The following GDPD5 variants were observed in gnomAD, a reference collection of about 807,000 sequenced individuals.
GDPD5 encodes the protein glycerophosphodiester phosphodiesterase 2.
GDPD5 carries 48 observed loss-of-function variants against 75.1 expected under a neutral mutation model. The ratio of observed to expected loss-of-function variants is 0.64; its 90% confidence interval spans 0.51 to 0.81. GDPD5 has a LOEUF of 0.81. Ranked by LOEUF, GDPD5 falls within the 40% of genes least tolerant of loss-of-function variation. GDPD5 has a pLI of 0.00. For missense variants in GDPD5, 706 were observed against 822.6 expected, an observed-to-expected ratio of 0.86 and a Z score of 1.73; for synonymous variants, 336 against 339.0, an observed-to-expected ratio of 0.99 and a Z score of 0.10.
At chr11:75,454,386 A>G (rs776504907) in intron 6 of GDPD5, among the ~76,000 whole-genome samples, 1 of 152,250 alleles carries the variant, frequency 6.6e-6, no homozygotes, top group Non-Finnish European at 1.5e-5. Context: ...TTTTTATAGA[A>G]CAACTATCCA....
intron 2 of GDPD5, among the ~76,000 whole-genome samples, chr11:75,487,150 T>G (rs1355174566): frequency 1.3e-5 from 2 of 152,234 alleles, no homozygotes; most frequent in Non-Finnish European, 2.9e-5. Context: ...CCCAGCCTCC[T>G]GCAGGTAGCT....
rs1458752441 is a variant in GDPD5, at chr11:75,490,264, C to G, written c.-88G>C. 1 of 152,296 alleles carries G rather than the reference C, an allele frequency of 6.6e-6. No homozygotes were observed. The highest frequency in any genetic ancestry group is 2.4e-5 in the African/African-American group (1 of 41,436). The allele number at this position is 152,296 out of a possible 1,614,324, so 9.4% of individuals were successfully genotyped here. On this transcript the variant is annotated 5_prime_UTR_variant, in exon 2 of 17. Transcript: ENST00000336898. ...GGAAGAAGGTACCGGTGGCTGTGAGCTGGGCTCCTGGAGGTGTCTTGTCCA... is the reference window on the plus strand; with the variant it reads ...GGAAGAAGGTACCGGTGGCTGTGAGGTGGGCTCCTGGAGGTGTCTTGTCCA...
chr11:75,441,398 G>A (rs1948797739), intron 13 of GDPD5, 88 bp from the exon 14 acceptor site: 15 of 1,513,650 alleles, frequency 9.9e-6, no homozygotes, highest in Middle Eastern at 1.7e-4. Flanking sequence ...TCCTGTTCAC[G>A]ACCTCACAGC....
At chr11:75,446,023 C>T (rs1948978345) in intron 9 of GDPD5, among the ~76,000 whole-genome samples, 1 of 152,178 alleles carries the variant, frequency 6.6e-6, no homozygotes, top group Non-Finnish European at 1.5e-5. Context: ...GAGGCACTCC[C>T]AGGGGAAGCA....
chr11:75,448,051 G>C (rs1363290555), intron 9 of GDPD5, among the ~76,000 whole-genome samples: 3 of 152,148 alleles, frequency 2.0e-5, no homozygotes, highest in African/African-American at 7.2e-5. Context: ...GGCAGACCCA[G>C]CACCTCCTTC....
intron 2 of GDPD5, among the ~76,000 whole-genome samples, chr11:75,480,584 C>T (rs1790155): frequency 0.56 from 85,490 of 151,940 alleles, 25,689 homozygotes; most frequent in East Asian, 0.79. Flanking sequence ...ATGTTACATC[C>T]CCAAAGTATC....
chr11:75,468,134 C>T (rs1388816808), intron 3 of GDPD5, among the ~76,000 whole-genome samples: 8 of 152,228 alleles, frequency 5.3e-5, no homozygotes. Flanking sequence ...CCACTGTAGA[C>T]TGCAGCCCCA....
chr11:75,440,561 ATTCT>A (rs974635199), intron 14 of GDPD5, among the ~76,000 whole-genome samples: 2 of 151,952 alleles, frequency 1.3e-5, no homozygotes, highest in Non-Finnish European at 2.9e-5. Context: ...ATTGTTTCCT[ATTCT>A]TTTTTATTTT....
intron 6 of GDPD5, among the ~76,000 whole-genome samples, chr11:75,455,049 G>A (rs530231745): frequency 2.0e-5 from 3 of 152,264 alleles, no homozygotes; most frequent in East Asian, 1.9e-4. Context: ...CTCATGCTGC[G>A]ATCTCACATA....
At chr11:75,460,040 A>G (rs1949378563) in intron 4 of GDPD5, among the ~76,000 whole-genome samples, 1 of 150,526 alleles carries the variant, frequency 6.6e-6, no homozygotes, top group African/African-American at 2.5e-5. Context: ...GGGAAAATCT[A>G]CTGCCTGGCA....
At chr11:75,449,169 T>C (rs1318299530) in intron 8 of GDPD5, 47 bp from the exon 9 acceptor site, 14 of 1,533,588 alleles carry the variant, frequency 9.1e-6, no homozygotes, top group South Asian at 1.2e-5. Context: ...CCTGGGCAGG[T>C]TGGGGTGCAA....
chr11:75,512,775 C>T (rs112661667), intron 1 of GDPD5, among the ~76,000 whole-genome samples: 2,005 of 151,654 alleles, frequency 0.013, 21 homozygotes, highest in Middle Eastern at 0.051. Flanking sequence ...ATTAGCTGGG[C>T]GTGGTGGCGG....
intron 15 of GDPD5, chr11:75,437,551 G>C (rs1948658901): frequency 1.3e-5 from 2 of 159,518 alleles, no homozygotes; most frequent in East Asian, 3.7e-4. Flanking sequence ...AGGTGGTAGG[G>C]GGCTTTGCCC....
intron 1 of GDPD5, among the ~76,000 whole-genome samples, chr11:75,494,927 G>A (rs995478658): frequency 1.3e-5 from 2 of 151,600 alleles, no homozygotes; most frequent in Non-Finnish European, 2.9e-5. Flanking sequence ...ACTCCAGCCT[G>A]GGCAACAGAG....
chr11:75,488,679 A>G (rs916364315), intron 2 of GDPD5, among the ~76,000 whole-genome samples: 3 of 152,138 alleles, frequency 2.0e-5, no homozygotes, highest in Non-Finnish European at 4.4e-5. Context: ...CCATCTTAAC[A>G]AACAGACCCT....
intron 2 of GDPD5, among the ~76,000 whole-genome samples, chr11:75,483,924 C>A (rs776583304): frequency 7.9e-5 from 12 of 152,198 alleles, no homozygotes; most frequent in African/African-American, 2.9e-4. Flanking sequence ...TGGTGGCTCA[C>A]ACCTGTAATC....
At chr11:75,479,836 C>T (rs1338169586) in intron 2 of GDPD5, among the ~76,000 whole-genome samples, 1 of 152,136 alleles carries the variant, frequency 6.6e-6, no homozygotes, top group Admixed American at 6.5e-5. Context: ...GCTTCTTTCA[C>T]GTGGCATAAT....
At chr11:75,444,948 G>A (rs1256422446) in intron 9 of GDPD5, among the ~76,000 whole-genome samples, 2 of 152,086 alleles carry the variant, frequency 1.3e-5, no homozygotes, top group African/African-American at 4.8e-5. Context: ...TATACCCTGA[G>A]ACAAGTCCAG....
chr11:75,463,917 G>A (rs1210251558), intron 3 of GDPD5, among the ~76,000 whole-genome samples: 1 of 152,192 alleles, frequency 6.6e-6, no homozygotes, highest in Non-Finnish European at 1.5e-5. Flanking sequence ...AAATATCACT[G>A]CTTCTGTGAA....
Sources: allele counts gnomAD v4.1 joint callset (sites outside exome capture counted in the v4.1 genomes callset), GRCh38; gene constraint gnomAD v4.1.1; transcripts MANE v1.5; gene names NCBI Gene and HGNC (gene_info 2026-07-23, HGNC 2026-07-21).